SMYD3: variants seen among roughly 807,000 people sequenced by gnomAD.
SMYD3 encodes histone-lysine N-methyltransferase SMYD3.
SMYD3 carries 36 observed loss-of-function variants against 57.7 expected under a neutral mutation model. The observed-to-expected ratio is 0.62, with a 90% CI of 0.48 to 0.82. SMYD3 has a LOEUF of 0.82. Ranked by LOEUF, SMYD3 falls within the 40% of genes least tolerant of loss-of-function variation. SMYD3 has a pLI of 0.00. For synonymous variants in SMYD3, 211 were observed against 195.0 expected (o/e 1.08, Z -0.68); for missense variants, 515 against 538.8 (o/e 0.96, Z 0.44).
intron 1 of SMYD3, among the ~76,000 whole-genome samples, chr1:246,457,867 C>A (rs977358618): frequency 1.3e-5 from 2 of 152,230 alleles, no homozygotes; most frequent in African/African-American, 4.8e-5. Flanking sequence ...TGGACATCCT[C>A]ATTCACTACT....
chr1:246,362,134 C>T (rs2065997970), intron 1 of SMYD3, among the ~76,000 whole-genome samples: 1 of 151,890 alleles, frequency 6.6e-6, no homozygotes, highest in South Asian at 2.1e-4. Flanking sequence ...ATTTTAAGTG[C>T]CCTACTTCAC....
At chr1:245,982,409 C>T (rs1439577327) in intron 5 of SMYD3, among the ~76,000 whole-genome samples, 5 of 152,308 alleles carry the variant, frequency 3.3e-5, no homozygotes, top group East Asian at 1.9e-4. Context: ...TTACAGATGT[C>T]AGTCACTACA....
intron 5 of SMYD3, among the ~76,000 whole-genome samples, chr1:246,026,959 T>G (rs1430350428): frequency 1.3e-5 from 2 of 152,290 alleles, no homozygotes; most frequent in South Asian, 2.1e-4. Context: ...GAAACACTCT[T>G]GAGGGAAATT....
intron 5 of SMYD3, among the ~76,000 whole-genome samples, chr1:246,006,094 T>G (rs1183875047): frequency 1.3e-5 from 2 of 152,170 alleles, no homozygotes; most frequent in Non-Finnish European, 2.9e-5. Context: ...GGATTGGTTT[T>G]AAAAATTAAA....
intron 5 of SMYD3, among the ~76,000 whole-genome samples, chr1:246,099,089 A>T (rs1295602069): frequency 6.6e-6 from 1 of 152,194 alleles, no homozygotes. Flanking sequence ...TATCAGATTT[A>T]ATCTCTTTGG....
chr1:246,074,679 A>C (rs2060515828), intron 5 of SMYD3, among the ~76,000 whole-genome samples: 1 of 152,222 alleles, frequency 6.6e-6, no homozygotes, highest in East Asian at 1.9e-4. Flanking sequence ...AGAAATCTGC[A>C]GCTTCTTAAA....
intron 1 of SMYD3, among the ~76,000 whole-genome samples, chr1:246,377,832 T>G (rs1034560960): frequency 6.6e-6 from 1 of 152,200 alleles, no homozygotes; most frequent in Non-Finnish European, 1.5e-5. Flanking sequence ...TTGAACAATT[T>G]TGCATATTGA....
chr1:246,047,496 A>G (rs1018563759), intron 5 of SMYD3, among the ~76,000 whole-genome samples: 30 of 152,198 alleles, frequency 2.0e-4, no homozygotes, highest in Admixed American at 1.5e-3. Context: ...ATTACCTCAA[A>G]GCATACACAA....
intron 5 of SMYD3, among the ~76,000 whole-genome samples, chr1:246,067,386 A>T (rs2060360951): frequency 6.6e-6 from 1 of 152,130 alleles, no homozygotes; most frequent in African/African-American, 2.4e-5. Context: ...TCCCTTCAGC[A>T]TTCTTCTCTT....
At chr1:246,498,255 A>G (rs958495479) in intron 1 of SMYD3, among the ~76,000 whole-genome samples, 1 of 152,124 alleles carries the variant, frequency 6.6e-6, no homozygotes, top group East Asian at 2.0e-4. Flanking sequence ...AATATGCACA[A>G]TTGCAAAATA....
chr1:246,459,295 G>A (rs1417336825), intron 1 of SMYD3, among the ~76,000 whole-genome samples: 1 of 146,494 alleles, frequency 6.8e-6, no homozygotes, highest in East Asian at 2.0e-4. Context: ...TTATTTGAAA[G>A]TGGCTCCTGC....
chr1:246,302,266 G>A (rs2064903144), intron 5 of SMYD3, among the ~76,000 whole-genome samples: 1 of 152,170 alleles, frequency 6.6e-6, no homozygotes, highest in South Asian at 2.1e-4. Flanking sequence ...GCAACTCACA[G>A]AAGGAAAGCC....
chr1:246,119,413 CTTTT>C (rs111657622), intron 5 of SMYD3, among the ~76,000 whole-genome samples: 15,989 of 130,104 alleles, frequency 0.12, 965 homozygotes, highest in South Asian at 0.21. Flanking sequence ...TTTGTTCTTT[CTTTT>C]TTTTTTTTTT....
intron 9 of SMYD3, among the ~76,000 whole-genome samples, chr1:245,860,171 C>G (rs1267679643): frequency 1.3e-5 from 2 of 152,028 alleles, no homozygotes; most frequent in East Asian, 3.9e-4. Flanking sequence ...TGCCCCCACA[C>G]CCCTCCCACT....
At chr1:246,213,771 C>T (rs1236801730) in intron 5 of SMYD3, among the ~76,000 whole-genome samples, 3 of 152,154 alleles carry the variant, frequency 2.0e-5, no homozygotes, top group East Asian at 1.9e-4. Context: ...TGGCCATCGG[C>T]CATTGAGTAA....
intron 5 of SMYD3, among the ~76,000 whole-genome samples, chr1:245,950,991 A>C (rs2057615163): frequency 1.3e-5 from 2 of 152,114 alleles, no homozygotes. Flanking sequence ...GGGATTGAAC[A>C]CTCCGGCATA....
At chr1:246,273,167 G>C (rs1472374388) in intron 5 of SMYD3, among the ~76,000 whole-genome samples, 1 of 60,040 alleles carries the variant, frequency 1.7e-5, no homozygotes, top group African/African-American at 8.6e-5. Flanking sequence ...TTTTTGGGGG[G>C]GGGACAGAGT....
intron 1 of SMYD3, among the ~76,000 whole-genome samples, chr1:246,411,700 T>A (rs2066972090): frequency 6.6e-6 from 1 of 151,734 alleles, no homozygotes. Context: ...CTGGAAACCA[T>A]CATTCTCAGC....
intron 7 of SMYD3, among the ~76,000 whole-genome samples, chr1:245,916,735 TC>T (rs1264772066): frequency 1.3e-5 from 2 of 152,140 alleles, no homozygotes; most frequent in Non-Finnish European, 2.9e-5. Context: ...TCTCTCTGAT[TC>T]TTTCTCCAGG....
Sources: allele counts gnomAD v4.1 joint callset (sites outside exome capture counted in the v4.1 genomes callset), GRCh38; gene constraint gnomAD v4.1.1; transcripts MANE v1.5; gene names NCBI Gene and HGNC (gene_info 2026-07-23, HGNC 2026-07-21).